The following KLHL12 variants were observed in gnomAD, a reference collection of about 807,000 sequenced individuals.
KLHL12 encodes the protein kelch like family member 12.
A neutral mutation model predicts 60.8 loss-of-function variants in KLHL12; 17 were observed. The observed-to-expected ratio is 0.28, with a 90% CI of 0.19 to 0.42. The LOEUF is 0.42. Ranked by LOEUF, KLHL12 falls within the 10% of genes least tolerant of loss-of-function variation. The pLI, the probability that KLHL12 is intolerant of heterozygous loss-of-function variation, is 1.00. For missense variants in KLHL12, 468 were observed against 722.3 expected, an observed-to-expected ratio of 0.65 and a Z score of 4.04; for synonymous variants, 220 against 250.9, an observed-to-expected ratio of 0.88 and a Z score of 1.16.
chr1:202,895,806 C>T lies in KLHL12; in HGVS notation c.940-89G>A. 1 of 911,822 alleles carries T rather than the reference C, an allele frequency of 1.1e-6. No individual in the cohort carries two copies. Among genetic ancestry groups the T allele is most frequent in the Non-Finnish European group, 1.7e-6 (1 of 584,784 alleles). 56.5% of individuals were successfully genotyped at this position (911,822 alleles called of 1,614,324 possible). On this transcript the variant is annotated intron_variant, in intron 7 of 11. Coordinates refer to ENST00000367261, the MANE Select transcript of KLHL12 (RefSeq NM_021633.4). This position sits in a 1 kb window ranked among gnomAD's most constrained non-coding sequence, Gnocchi z 4.2. Reference sequence around the variant, plus strand: ...TGCTATCTTCCCTGTTGTATCTGCACACCTCTCTGCTTCTTCACCTGTCAT... The same window carrying T: ...TGCTATCTTCCCTGTTGTATCTGCATACCTCTCTGCTTCTTCACCTGTCAT...
At chr1:202,911,726 G>A (rs1209183196) in intron 4 of KLHL12, 2 of 618,704 alleles carry the variant, frequency 3.2e-6, no homozygotes, top group South Asian at 4.2e-5. Context: ...ACATCACTAT[G>A]TTGCAGTTTT....
chr1:202,914,943 G>C (rs1192552699), intron 4 of KLHL12: 1 of 151,700 alleles, frequency 6.6e-6, no homozygotes, highest in East Asian at 1.9e-4. Flanking sequence ...AACTGATTGT[G>C]GTCAACAGTT....
At chr1:202,920,458 G>A (rs1660657640) in intron 2 of KLHL12, among the ~76,000 whole-genome samples, 2 of 126,140 alleles carry the variant, frequency 1.6e-5, no homozygotes, top group South Asian at 5.1e-4. Flanking sequence ...CTCACTGCAA[G>A]CTCCACCTCC....
intron 6 of KLHL12, among the ~76,000 whole-genome samples, chr1:202,902,940 G>GTGAGCCAA (rs1261377393): frequency 1.3e-5 from 2 of 151,788 alleles, no homozygotes; most frequent in Non-Finnish European, 2.9e-5. Context: ...GGACGCTGCA[G>GTGAGCCAA]TGAGCCAAAA....
At chr1:202,926,805 G>A (rs1011517758) in intron 1 of KLHL12, among the ~76,000 whole-genome samples, 5 of 152,088 alleles carry the variant, frequency 3.3e-5, no homozygotes, top group African/African-American at 4.8e-5. Context: ...TAGTAAACTC[G>A]GGAAAGACTA....
chr1:202,913,318 T>C (rs1660421348), intron 4 of KLHL12, among the ~76,000 whole-genome samples: 1 of 152,180 alleles, frequency 6.6e-6, no homozygotes, highest in Admixed American at 6.5e-5. Flanking sequence ...GTGCCCCTTC[T>C]ACCAGCCCCT....
At chr1:202,913,289 A>C (rs1183699115) in intron 4 of KLHL12, among the ~76,000 whole-genome samples, 3 of 152,206 alleles carry the variant, frequency 2.0e-5, no homozygotes, top group Non-Finnish European at 4.4e-5. Flanking sequence ...CCAAAGACAG[A>C]CACCTGAATA....
At chr1:202,896,485 C>T (rs1313327892) in intron 7 of KLHL12, among the ~76,000 whole-genome samples, 1 of 152,202 alleles carries the variant, frequency 6.6e-6, no homozygotes, top group Non-Finnish European at 1.5e-5. Flanking sequence ...GCTACCACGC[C>T]CAGCCCAAAC....
chr1:202,901,916 T>C (rs1197586002), intron 6 of KLHL12, among the ~76,000 whole-genome samples: 5 of 152,296 alleles, frequency 3.3e-5, no homozygotes, highest in South Asian at 4.1e-4. Context: ...CAAGGACTAG[T>C]ATAATCACCA....
chr1:202,891,267 C>T lies in KLHL12; in HGVS notation c.*1266G>A, dbSNP rs551925047. ...CACATTCCCACACTCCTAATACCCA[C>T]AAAACAAGAATTTCACTCCATGACA... On this transcript the variant is annotated 3_prime_UTR_variant, in exon 12 of 12. Coordinates refer to ENST00000367261, the MANE Select transcript of KLHL12 (RefSeq NM_021633.4). 6.0e-4 allele frequency: 91 copies of T among 152,712 alleles called. No homozygotes were observed. The highest frequency in any genetic ancestry group is 2.1e-3 in the African/African-American group (87 of 41,548). 9.5% of individuals were successfully genotyped at this position (152,712 alleles called of 1,614,324 possible). A position where few individuals can be genotyped will look rare whatever the true frequency, so the allele number is the denominator to read the frequency against.
At chr1:202,920,686 G>A (rs1660671158) in intron 2 of KLHL12, among the ~76,000 whole-genome samples, 1 of 151,958 alleles carries the variant, frequency 6.6e-6, no homozygotes, top group South Asian at 2.1e-4. Flanking sequence ...AATTTTGTTG[G>A]ATTTTAATAA....
At chr1:202,912,582 AT>A in intron 4 of KLHL12, 1 of 1,260,834 alleles carries the variant, frequency 7.9e-7, no homozygotes, top group Non-Finnish European at 1.1e-6. Flanking sequence ...CAGTCTTCAA[AT>A]TTTGGACCCA....
At chr1:202,927,674 TAAAAA>T (rs748842460), upstream of KLHL12, among the ~76,000 whole-genome samples, 1 of 75,432 alleles carries the variant, frequency 1.3e-5, no homozygotes, top group Non-Finnish European at 2.4e-5. Context: ...TGAGACCCTG[TAAAAA>T]AAAAAAAAAA....
At chr1:202,912,822 G>A (rs1018763299) in intron 4 of KLHL12, 5 of 758,188 alleles carry the variant, frequency 6.6e-6, no homozygotes, top group African/African-American at 1.7e-5. Flanking sequence ...GCCAAGCACA[G>A]TGGTGGCAGG....
At position 202,891,157 on chromosome 1, in the gene KLHL12, T is replaced by C. The variant is rs1659664432; in HGVS notation, c.*1376A>G. On this transcript the variant is annotated 3_prime_UTR_variant, in exon 12 of 12. Coordinates refer to ENST00000367261, the MANE Select transcript of KLHL12 (RefSeq NM_021633.4). ...GATTTTTAATATTTTCTTAAAAAAA[T>C]ACAAAGGAAATTAACTCTGTAGGTC... 1 of 152,326 alleles carries C rather than the reference T, an allele frequency of 6.6e-6. No individual in the cohort carries two copies. The highest frequency in any genetic ancestry group is 1.5e-5 in the Non-Finnish European group (1 of 68,022). The allele number at this position is 152,326 out of a possible 1,614,324, so 9.4% of individuals were successfully genotyped here.
At chr1:202,905,080 C>T (rs1008172430) in intron 6 of KLHL12, among the ~76,000 whole-genome samples, 3 of 152,178 alleles carry the variant, frequency 2.0e-5, no homozygotes, top group Non-Finnish European at 4.4e-5. Context: ...ACTGACAAAG[C>T]GATACTAAGA....
chr1:202,922,893 T>G (rs1444013357), intron 2 of KLHL12, among the ~76,000 whole-genome samples: 1 of 150,314 alleles, frequency 6.7e-6, no homozygotes, highest in Non-Finnish European at 1.5e-5. Context: ...AAAACCCAGG[T>G]CCTCCTGCCT....
intron 2 of KLHL12, among the ~76,000 whole-genome samples, chr1:202,924,350 G>A (rs996946973): frequency 6.6e-6 from 1 of 152,168 alleles, no homozygotes; most frequent in African/African-American, 2.4e-5. Context: ...AATTTACACT[G>A]ATTTTCTTCA....
intron 4 of KLHL12, 146 bp from the exon 5 acceptor site, chr1:202,911,349 G>C: frequency 1.1e-6 from 1 of 881,528 alleles, no homozygotes; most frequent in Non-Finnish European, 1.7e-6. Flanking sequence ...AGGCTCTTGG[G>C]AAAACAATTT....
Sources: gnomAD v4.1 joint callset for allele counts (sites outside exome capture counted in the v4.1 genomes callset) on GRCh38, gnomAD v4.1.1 for gene constraint, Gnocchi (gnomAD v3.1) non-coding constraint, MANE v1.5 for transcripts, NCBI Gene and HGNC (gene_info 2026-07-23, HGNC 2026-07-21) for gene names.